The following VPS13B variants were observed in gnomAD, a reference collection of about 807,000 sequenced individuals.
The protein encoded by VPS13B is intermembrane lipid transfer protein VPS13B.
A neutral mutation model predicts 426.4 loss-of-function variants in VPS13B; 285 were observed. That is an observed-to-expected ratio of 0.67 (90% CI 0.61 to 0.74). The LOEUF (loss-of-function observed/expected upper bound fraction) is 0.74, where lower values mean the gene tolerates loss of function less well. Among genes scored for constraint, VPS13B ranks in the 30% least tolerant of loss-of-function variants. The pLI is 0.00. For synonymous variants in VPS13B, 1,676 were observed against 1,676.4 expected (o/e 1.00, Z 0.01); for missense variants, 4,537 against 4,782.6 (o/e 0.95, Z 1.51).
chr8:99,258,185 C>G (rs993969905), intron 17 of VPS13B, among the ~76,000 whole-genome samples: 2 of 150,568 alleles, frequency 1.3e-5, no homozygotes, highest in Non-Finnish European at 3.0e-5. Context: ...AAAAAGCACT[C>G]TAATATTGCA....
intron 34 of VPS13B, among the ~76,000 whole-genome samples, chr8:99,657,470 T>TTGTGTGTGTGTGTGTGTGTGTGTGTGTG (rs34355540): frequency 6.8e-6 from 1 of 146,908 alleles, no homozygotes; most frequent in East Asian, 2.0e-4. Flanking sequence ...ACTTTAAAAA[T>TTGTGTGTGTGTGTGTGTGTGTGTGTGTG]TGTGTGTGTG....
chr8:99,563,423 C>T (rs1825031160), intron 31 of VPS13B, among the ~76,000 whole-genome samples: 1 of 152,000 alleles, frequency 6.6e-6, no homozygotes, highest in Middle Eastern at 3.2e-3. Context: ...TAAATATATT[C>T]CATATACATA....
At chr8:99,630,579 C>T (rs1314776277) in intron 33 of VPS13B, among the ~76,000 whole-genome samples, 9 of 151,510 alleles carry the variant, frequency 5.9e-5, no homozygotes, top group African/African-American at 2.2e-4. Flanking sequence ...TTGTCCCTCC[C>T]TCCCTCCCTC....
chr8:99,871,374 G>GT, intron 60 of VPS13B, 74 bp from the exon 61 acceptor site: 1 of 1,609,940 alleles, frequency 6.2e-7, no homozygotes, highest in Non-Finnish European at 8.5e-7. Context: ...TGCCCCATTG[G>GT]TAAATAATGA....
chr8:99,191,447 G>A (rs1246335428), intron 16 of VPS13B, among the ~76,000 whole-genome samples: 1 of 139,180 alleles, frequency 7.2e-6, no homozygotes, highest in Non-Finnish European at 1.5e-5. Context: ...GCAGTAGCGC[G>A]ATCTCGGCTC....
At chr8:99,618,378 A>G (rs768413470) in intron 33 of VPS13B, among the ~76,000 whole-genome samples, 19 of 152,204 alleles carry the variant, frequency 1.2e-4, no homozygotes, top group Non-Finnish European at 2.4e-4. Context: ...TGAAATGACA[A>G]AGGTAATCAA....
intron 8 of VPS13B, among the ~76,000 whole-genome samples, chr8:99,129,591 G>A (rs1018553252): frequency 2.2e-4 from 30 of 135,732 alleles, no homozygotes; most frequent in South Asian, 4.7e-4. Context: ...AAAAAAAAAA[G>A]TCTGACATTT....
chr8:99,401,954 C>T (rs768653633), intron 21 of VPS13B, among the ~76,000 whole-genome samples: 3 of 152,110 alleles, frequency 2.0e-5, no homozygotes, highest in Admixed American at 6.5e-5. Flanking sequence ...AGGCTAGTCT[C>T]AAACTCCTGG....
At chr8:99,118,572 A>C (rs906826829) in intron 7 of VPS13B, among the ~76,000 whole-genome samples, 1 of 152,142 alleles carries the variant, frequency 6.6e-6, no homozygotes, top group Non-Finnish European at 1.5e-5. Flanking sequence ...GCGAGAAAAC[A>C]CTGTTCTGAA....
intron 40 of VPS13B, among the ~76,000 whole-genome samples, chr8:99,769,370 A>C (rs2130633514): frequency 6.6e-6 from 1 of 152,368 alleles, no homozygotes; most frequent in South Asian, 2.1e-4. Context: ...ATTTGATAAT[A>C]TGTCAATATT....
chr8:99,736,861 CATTCTT>C (rs1364447111), intron 39 of VPS13B, among the ~76,000 whole-genome samples: 5 of 152,004 alleles, frequency 3.3e-5, no homozygotes, highest in Non-Finnish European at 7.4e-5. Flanking sequence ...AAAAATGTAT[CATTCTT>C]ATTTTATAAA....
At chr8:99,229,790 T>G (rs117378165) in intron 17 of VPS13B, among the ~76,000 whole-genome samples, 5,028 of 152,272 alleles carry the variant, frequency 0.033, 128 homozygotes, top group Non-Finnish European at 0.049. Flanking sequence ...CAAGCCACAG[T>G]AAGAATTTTG....
chr8:99,750,886 A>C (rs1410690884), intron 39 of VPS13B, among the ~76,000 whole-genome samples: 1 of 152,144 alleles, frequency 6.6e-6, no homozygotes, highest in African/African-American at 2.4e-5. Flanking sequence ...TAGTTTTGAA[A>C]GATGGATGAG....
At chr8:99,191,557 T>C (rs1813595013) in intron 16 of VPS13B, among the ~76,000 whole-genome samples, 1 of 151,834 alleles carries the variant, frequency 6.6e-6, no homozygotes. Context: ...CTAATTTTTG[T>C]ATTTTTGCTA....
chr8:99,124,622 C>T lies in VPS13B; in HGVS notation c.1206+3177C>T, dbSNP rs1411446734. 2.0e-5 allele frequency among the ~76,000 whole-genome samples: 3 copies of T among 152,044 alleles called. No homozygotes were observed. In the East Asian group the frequency reaches 5.8e-4, roughly 29 times the overall value. ...GAAATTTTGGCCAGGTGTGGTGGCT[C>T]ATGCGTATAATCCCAGCACTTTGGG... is the stretch of plus-strand genomic sequence containing the variant. On this transcript the variant is annotated intron_variant, in intron 8 of 61. Transcript: ENST00000357162.
intron 39 of VPS13B, among the ~76,000 whole-genome samples, chr8:99,763,247 T>C (rs1353348635): frequency 1.3e-5 from 2 of 151,920 alleles, no homozygotes; most frequent in Admixed American, 1.3e-4. Context: ...AAGTTCATAC[T>C]TTCAACTTCT....
intron 39 of VPS13B, among the ~76,000 whole-genome samples, chr8:99,740,308 A>T (rs998301587): frequency 6.6e-6 from 1 of 152,156 alleles, no homozygotes; most frequent in Non-Finnish European, 1.5e-5. Flanking sequence ...AGCCTCCAAA[A>T]ATTATGGGAC....
intron 54 of VPS13B, among the ~76,000 whole-genome samples, chr8:99,847,668 C>T (rs895512370): frequency 1.3e-5 from 2 of 152,146 alleles, no homozygotes; most frequent in Non-Finnish European, 2.9e-5. Context: ...AGATGACATC[C>T]AGGTAACCTG....
intron 30 of VPS13B, chr8:99,536,732 G>T: frequency 1.9e-6 from 1 of 533,940 alleles, no homozygotes; most frequent in Non-Finnish European, 3.8e-6. Flanking sequence ...CATGTCTTTG[G>T]CATTAAACGT....
Sources: gnomAD v4.1 joint callset for allele counts (sites outside exome capture counted in the v4.1 genomes callset) on GRCh38, gnomAD v4.1.1 for gene constraint, MANE v1.5 for transcripts, NCBI Gene and HGNC (gene_info 2026-07-23, HGNC 2026-07-21) for gene names.